Variants in AHI1 observed in about 807,000 individuals in gnomAD.
AHI1 encodes the protein jouberin.
A neutral mutation model predicts 149.3 loss-of-function variants in AHI1; 123 were observed. The observed-to-expected ratio is 0.82, with a 90% CI of 0.71 to 0.96. The LOEUF is 0.96. Among genes scored for constraint, AHI1 ranks in the 40% least tolerant of loss-of-function variants. AHI1 has a pLI of 0.00. For missense variants in AHI1, 1,439 were observed against 1,422.7 expected (o/e 1.01, Z -0.18); for synonymous variants, 475 against 459.8 (o/e 1.03, Z -0.42).
chr6:135,391,619 C>T (rs1778502542), intron 23 of AHI1, among the ~76,000 whole-genome samples: 1 of 152,110 alleles, frequency 6.6e-6, no homozygotes. Context: ...TCTACCTCTG[C>T]AAACTTAGTT....
intron 4 of AHI1, among the ~76,000 whole-genome samples, chr6:135,491,415 C>T (rs1795229324): frequency 6.6e-6 from 1 of 152,124 alleles, no homozygotes; most frequent in Non-Finnish European, 1.5e-5. Context: ...GAAGCTGTTT[C>T]TGAGGCAAGC....
intron 26 of AHI1, among the ~76,000 whole-genome samples, chr6:135,303,109 TTAACA>T (rs1270357512): frequency 6.6e-6 from 1 of 152,152 alleles, no homozygotes; most frequent in African/African-American, 2.4e-5. Flanking sequence ...GCAATGATAG[TTAACA>T]TAAAATAAAT....
intron 26 of AHI1, among the ~76,000 whole-genome samples, chr6:135,310,167 A>G (rs1259278175): frequency 6.6e-6 from 1 of 152,226 alleles, no homozygotes; most frequent in Non-Finnish European, 1.5e-5. Flanking sequence ...TGGACTTAAT[A>G]TAATAATAAA....
chr6:135,363,834 G>A (rs1794369333), intron 23 of AHI1, among the ~76,000 whole-genome samples: 1 of 148,936 alleles, frequency 6.7e-6, no homozygotes, highest in African/African-American at 2.5e-5. Context: ...TTCCCAGTAG[G>A]CGCGGCCGGG....
chr6:135,302,711 C>A, intron 26 of AHI1: 2 of 1,258,118 alleles, frequency 1.6e-6, no homozygotes, highest in Admixed American at 2.8e-5. Flanking sequence ...CCTTTACTCA[C>A]TCATTCCTTG....
At chr6:135,396,589 T>C (rs1050742999) in intron 22 of AHI1, among the ~76,000 whole-genome samples, 4 of 151,866 alleles carry the variant, frequency 2.6e-5, no homozygotes, top group Admixed American at 2.6e-4. Flanking sequence ...GTATTTATGA[T>C]GTCATATGAT....
intron 8 of AHI1, among the ~76,000 whole-genome samples, chr6:135,461,977 C>T (rs1315759643): frequency 6.6e-6 from 1 of 151,726 alleles, no homozygotes; most frequent in Non-Finnish European, 1.5e-5. Flanking sequence ...GTTCTGTTTC[C>T]AAATTTAGGT....
At chr6:135,465,287 T>A (rs1026126293) in intron 7 of AHI1, among the ~76,000 whole-genome samples, 1 of 152,192 alleles carries the variant, frequency 6.6e-6, no homozygotes, top group Admixed American at 6.5e-5. Flanking sequence ...AACCTCACAC[T>A]CTATATAGAA....
intron 24 of AHI1, among the ~76,000 whole-genome samples, chr6:135,323,594 AT>A (rs1787205672): frequency 6.6e-6 from 1 of 152,132 alleles, no homozygotes; most frequent in African/African-American, 2.4e-5. Context: ...TTTAAAGTAA[AT>A]TACTTGTGAA....
intron 5 of AHI1, among the ~76,000 whole-genome samples, chr6:135,480,025 C>T (rs1466673485): frequency 6.6e-6 from 1 of 152,192 alleles, no homozygotes; most frequent in South Asian, 2.1e-4. Context: ...CCCAGCCATG[C>T]CCCTCCAATA....
At chr6:135,393,268 C>T (rs968150833) in intron 23 of AHI1, among the ~76,000 whole-genome samples, 18 of 151,328 alleles carry the variant, frequency 1.2e-4, no homozygotes, top group African/African-American at 4.4e-4. Context: ...TTTCCCTTTA[C>T]AAAAAATGAA....
chr6:135,488,982 T>C (rs1441890524), intron 5 of AHI1, among the ~76,000 whole-genome samples: 1 of 152,204 alleles, frequency 6.6e-6, no homozygotes, highest in East Asian at 1.9e-4. Flanking sequence ...CCCTGTAATT[T>C]CGTCGTTTGT....
chr6:135,409,822 T>C (rs947859595), intron 21 of AHI1, among the ~76,000 whole-genome samples: 5 of 152,206 alleles, frequency 3.3e-5, no homozygotes, highest in Admixed American at 2.0e-4. Flanking sequence ...GATACTTTCA[T>C]TTTATAGATT....
chr6:135,296,246 C>G (rs1783079109), intron 27 of AHI1, among the ~76,000 whole-genome samples: 1 of 152,122 alleles, frequency 6.6e-6, no homozygotes, highest in African/African-American at 2.4e-5. Context: ...CTTCATGGCT[C>G]CCACTTTTTT....
intron 27 of AHI1, among the ~76,000 whole-genome samples, chr6:135,293,395 AAAAAAAAAAAG>A (rs1443984497): frequency 0.034 from 4,282 of 125,584 alleles, 73 homozygotes; most frequent in South Asian, 0.068. Context: ...AACAGGGCAA[AAAAAAAAAAAG>A]AAAAAAAAAA....
intron 23 of AHI1, among the ~76,000 whole-genome samples, chr6:135,365,457 C>CT (rs962265145): frequency 1.3e-5 from 2 of 152,110 alleles, no homozygotes; most frequent in Non-Finnish European, 2.9e-5. Context: ...GTGTTTCCAT[C>CT]TTTTTTTGGT....
chr6:135,371,671 GATTTTAAC>G (rs1260244934), intron 23 of AHI1, among the ~76,000 whole-genome samples: 1 of 152,140 alleles, frequency 6.6e-6, no homozygotes, highest in Non-Finnish European at 1.5e-5. Context: ...CTACTCTAGA[GATTTTAAC>G]ATTTGAAGTC....
At chr6:135,406,765 G>A (rs920848200) in intron 21 of AHI1, among the ~76,000 whole-genome samples, 2 of 152,100 alleles carry the variant, frequency 1.3e-5, no homozygotes, top group Non-Finnish European at 2.9e-5. Flanking sequence ...AATTTAGACA[G>A]GATGAGATCT....
intron 17 of AHI1, 40 bp downstream of exon 17, chr6:135,431,168 T>G: frequency 7.4e-7 from 1 of 1,358,096 alleles, no homozygotes. Flanking sequence ...TTTTCCAACT[T>G]CTTTAATTAA....
Sources: allele counts gnomAD v4.1 joint callset (sites outside exome capture counted in the v4.1 genomes callset), GRCh38; gene constraint gnomAD v4.1.1; transcripts MANE v1.5; gene names NCBI Gene and HGNC (gene_info 2026-07-23, HGNC 2026-07-21).